The following TMEM168 variants were observed in gnomAD, a reference collection of about 807,000 sequenced individuals.
TMEM168 encodes the protein transmembrane protein 168.
TMEM168 carries 40 observed loss-of-function variants against 53.2 expected under a neutral mutation model. The ratio of observed to expected loss-of-function variants is 0.75; its 90% CI spans 0.58 to 0.98. The LOEUF is 0.98. Among genes scored for constraint, TMEM168 ranks in the 50% least tolerant of loss-of-function variants. The pLI is 0.00. For missense variants in TMEM168, 771 were observed against 828.8 expected (o/e 0.93, Z 0.86); for synonymous variants, 282 against 293.0 (o/e 0.96, Z 0.38).
rs1792700838 is a variant in TMEM168 at position 112,763,261 on chromosome 7, A to G, written c.*3936T>C. ...TTTGAGATTTGCTTTCTTTTTATGG[A>G]TTCTGTAAGTTTTTTACTAAATTAC... On this transcript the variant is annotated 3_prime_UTR_variant, in exon 5 of 5. Coordinates refer to ENST00000312814, the MANE Select transcript of TMEM168 (RefSeq NM_022484.6). 1 of 152,042 alleles carries G rather than the reference A, an allele frequency of 6.6e-6. No homozygotes were observed. The highest frequency in any genetic ancestry group is 6.6e-5 in the Admixed American group (1 of 15,254). 9.4% of individuals were successfully genotyped at this position (152,042 alleles called of 1,614,324 possible). A position where few individuals can be genotyped will look rare whatever the true frequency, so the allele number is the denominator to read the frequency against.
At chr7:112,787,563 C>T (rs750933530) in intron 1 of TMEM168, among the ~76,000 whole-genome samples, 2 of 150,822 alleles carry the variant, frequency 1.3e-5, no homozygotes, top group Non-Finnish European at 1.5e-5. Flanking sequence ...TACAGGCGCC[C>T]ATCGCCATGC....
intron 3 of TMEM168, among the ~76,000 whole-genome samples, chr7:112,773,529 ATTAAC>A (rs2116245987): frequency 6.6e-6 from 1 of 152,056 alleles, no homozygotes; most frequent in East Asian, 1.9e-4. Flanking sequence ...TTCAAATTTT[ATTAAC>A]TTAAGGTACA....
At chr7:112,774,839 C>T (rs966617769) in intron 3 of TMEM168, among the ~76,000 whole-genome samples, 13 of 152,164 alleles carry the variant, frequency 8.5e-5, no homozygotes, top group South Asian at 8.3e-4. Context: ...CCTCGGCCTC[C>T]TAAAGTGCTG....
chr7:112,767,415 T>G lies in TMEM168; in HGVS notation c.1876A>C (p.Thr626Pro). The change falls in exon 5 of 5, where the codon ACT (threonine) becomes CCT (proline). Residue 626 changes from threonine to proline, a missense_variant. Coordinates refer to ENST00000312814, the MANE Select transcript of TMEM168 (RefSeq NM_022484.6). Reference protein sequence around the residue: ...YGVSKRWSDYTLHLPTGSDVA... With the variant: ...YGVSKRWSDYPLHLPTGSDVA... The stretch of plus-strand genomic sequence containing the variant: ...TCGCTTCCCGTTGGCAAATGCAGAG[T>G]GTAGTCACTCCACCGTTTTGACACA... 5 of 1,614,068 alleles carry G rather than the reference T, an allele frequency of 3.1e-6. No homozygotes were observed. In the South Asian group the frequency reaches 5.5e-5, roughly 18 times the overall value.
rs577314382 is a variant in TMEM168, at chr7:112,787,217, C to A, written c.-128-2264G>T. Among the ~76,000 whole-genome samples, 168 of 152,302 alleles carry A rather than the reference C, an allele frequency of 1.1e-3. 1 individual carries two copies. Among genetic ancestry groups the A allele is most frequent in the African/African-American group, 3.9e-3 (161 of 41,566 alleles). On this transcript the variant is annotated intron_variant, in intron 1 of 4. Coordinates refer to ENST00000312814, the MANE Select transcript of TMEM168 (RefSeq NM_022484.6). ...CCTCTATGAAGCTCAATCTCGTGTC[C>A]TTTTGACAGCTGGTATTTAGTTGCT...
intron 2 of TMEM168, among the ~76,000 whole-genome samples, chr7:112,781,033 G>A (rs1793217366): frequency 6.7e-6 from 1 of 149,156 alleles, no homozygotes. Context: ...ACTCAACTAT[G>A]CTGTTTACCA....
rs1792734268 is a variant in TMEM168 at position 112,764,784 on chromosome 7, C to A, written c.*2413G>T. The stretch of plus-strand genomic sequence containing the variant: ...AAGTGCTGGGATTACAGGCATGAGC[C>A]ACCATGCCTGGCTAAACATGTACTT... On this transcript the variant is annotated 3_prime_UTR_variant, in exon 5 of 5. Transcript: ENST00000312814. The A allele has an allele frequency of 6.6e-6, 1 of 150,814 alleles. No homozygotes were observed. 9.3% of individuals were successfully genotyped at this position (150,814 alleles called of 1,614,324 possible).
rs891124993 is a variant in TMEM168 at position 112,783,482 on chromosome 7, G to A, written c.1128+216C>T. Among the ~76,000 whole-genome samples the A allele has an allele frequency of 3.3e-5, 5 of 152,164 alleles. No individual in the cohort carries two copies. In the South Asian group the frequency reaches 8.3e-4, roughly 25 times the overall value. On this transcript the variant is annotated intron_variant, in intron 2 of 4. Transcript: ENST00000312814. ...GTCAGGAAGCGGGAGGCATCTCAACGCTGAGTGTTCATAACATTTTGGTAC... is the reference window on the plus strand; with the variant it reads ...GTCAGGAAGCGGGAGGCATCTCAACACTGAGTGTTCATAACATTTTGGTAC...
Position 112,772,766 on chromosome 7 carries a change from C to T in TMEM168, c.1546+15G>A, listed in dbSNP as rs542282830. 1 of 1,605,706 alleles carries T rather than the reference C, an allele frequency of 6.2e-7. No homozygotes were observed. Among genetic ancestry groups the T allele is most frequent in the African/African-American group, 1.3e-5 (1 of 74,830 alleles). ...TGTATCTTTACAATAGTGAAACTGC[C>T]AAAGGTGAGTTTACCTGCTAGAGCC... On this transcript the variant is annotated intron_variant, in intron 4 of 4. Coordinates refer to ENST00000312814, the MANE Select transcript of TMEM168 (RefSeq NM_022484.6).
intron 2 of TMEM168, among the ~76,000 whole-genome samples, chr7:112,777,214 A>C (rs1213238925): frequency 6.6e-6 from 1 of 152,198 alleles, no homozygotes; most frequent in Non-Finnish European, 1.5e-5. Context: ...ACCATTAAGA[A>C]GATATTTTAA....
chr7:112,773,445 A>AT (rs1194836268), intron 3 of TMEM168, among the ~76,000 whole-genome samples: 5 of 152,204 alleles, frequency 3.3e-5, no homozygotes, highest in African/African-American at 1.2e-4. Context: ...TAAAAATATT[A>AT]TAACACAAAA....
chr7:112,772,450 C>A (rs1231054400), intron 4 of TMEM168, among the ~76,000 whole-genome samples: 1 of 152,094 alleles, frequency 6.6e-6, no homozygotes, highest in Non-Finnish European at 1.5e-5. Flanking sequence ...AAATCTGCAT[C>A]CATAACATTT....
chr7:112,774,869 C>G (rs1278936953), intron 3 of TMEM168, among the ~76,000 whole-genome samples: 3 of 152,156 alleles, frequency 2.0e-5, no homozygotes, highest in Non-Finnish European at 4.4e-5. Context: ...GTGTGAGCCA[C>G]CACGACCAGC....
chr7:112,767,035 A>T lies in TMEM168; in HGVS notation c.*162T>A. ...TTTCATTATAAAATGTTTTTTCCCAACGCCTTATATATACCATAATTACTT... is the reference window on the plus strand; with the variant it reads ...TTTCATTATAAAATGTTTTTTCCCATCGCCTTATATATACCATAATTACTT... On this transcript the variant is annotated 3_prime_UTR_variant, in exon 5 of 5. Transcript: ENST00000312814. 3 of 690,168 alleles carry T rather than the reference A, an allele frequency of 4.3e-6. No homozygotes were observed. The South Asian group carries it at 6.7e-5, about 15-fold the overall frequency. The allele number at this position is 690,168 out of a possible 1,614,324, so 42.8% of individuals were successfully genotyped here.
Position 112,784,416 on chromosome 7 carries a change from C to T in TMEM168, c.410G>A (p.Cys137Tyr), listed in dbSNP as rs756093569. The change falls in exon 2 of 5, where the codon TGC becomes TAC. Residue 137 changes from cysteine to tyrosine, a missense_variant. Coordinates refer to ENST00000312814, the MANE Select transcript of TMEM168 (RefSeq NM_022484.6). ...LLTSIVLRILCSLVERISGYV... is the reference protein window; with the variant it reads ...LLTSIVLRILYSLVERISGYV... The stretch of plus-strand genomic sequence containing the variant: ...ACCAGAAATTCTCTCCACCAGAGAG[C>T]ACAATATCCTTAACACTATGGATGT... 1.2e-6 allele frequency: 2 copies of T among 1,613,964 alleles called. No individual in the cohort carries two copies. The highest frequency in any genetic ancestry group is 2.7e-5 in the African/African-American group (2 of 74,896).
At chr7:112,777,894 G>C (rs1307008491) in intron 2 of TMEM168, among the ~76,000 whole-genome samples, 1 of 17,444 alleles carries the variant, frequency 5.7e-5, no homozygotes, top group Non-Finnish European at 9.9e-5. Context: ...TGCTGTGTGT[G>C]TGTGTGTGTG....
chr7:112,764,183 TG>T lies in TMEM168; in HGVS notation c.*3013del, dbSNP rs567737762. On this transcript the variant is annotated 3_prime_UTR_variant, in exon 5 of 5. Coordinates refer to ENST00000312814, the MANE Select transcript of TMEM168 (RefSeq NM_022484.6). ...TTAAAAAAAGAAAATAAATTCATAC[TG>T]TTTTTTTTATTCTATTGAAAAAAAA... 2.5e-3 allele frequency: 378 copies of T among 151,580 alleles called. 2 individuals are homozygous for T. The highest frequency in any genetic ancestry group is 8.9e-3 in the South Asian group (43 of 4,816). The allele number at this position is 151,580 out of a possible 1,614,324, so 9.4% of individuals were successfully genotyped here.
In TMEM168 at chr7:112,763,080, G is replaced by A. The variant is rs939661978; in HGVS notation, c.*4117C>T. ...TGTCTAGATATAATAGTGAGGAAAT[G>A]AATGATTCAATCTTAATGATATTAG... On this transcript the variant is annotated 3_prime_UTR_variant, in exon 5 of 5. Transcript: ENST00000312814. The A allele has an allele frequency of 2.0e-5, 3 of 151,960 alleles. No homozygotes were observed. Among genetic ancestry groups the A allele is most frequent in the African/African-American group, 7.2e-5 (3 of 41,408 alleles). The allele number at this position is 151,960 out of a possible 1,614,324, so 9.4% of individuals were successfully genotyped here.
intron 1 of TMEM168, 55 bp downstream of exon 1, chr7:112,790,105 T>G (rs1338429067): frequency 6.6e-6 from 1 of 152,352 alleles, no homozygotes; most frequent in Non-Finnish European, 1.5e-5. Flanking sequence ...CGCGGAGCCC[T>G]GGCAGTGTCT....
Sources: allele counts gnomAD v4.1 joint callset (sites outside exome capture counted in the v4.1 genomes callset), GRCh38; gene constraint gnomAD v4.1.1; transcripts MANE v1.5; gene names NCBI Gene and HGNC (gene_info 2026-07-23, HGNC 2026-07-21).